The following ADGRB3 variants were observed in gnomAD, a reference collection of about 807,000 sequenced individuals.
The protein encoded by ADGRB3 is adhesion G protein-coupled receptor B3.
In ADGRB3, 37 loss-of-function variants were observed where a neutral mutation model predicts 193.4. The ratio of observed to expected loss-of-function variants is 0.19; its 90% CI spans 0.15 to 0.25. The LOEUF is 0.25. Ranked by LOEUF, ADGRB3 falls within the 10% of genes least tolerant of loss-of-function variation. ADGRB3 has a pLI of 1.00. For missense variants in ADGRB3, 1,637 were observed against 1,852.9 expected, an observed-to-expected ratio of 0.88 and a Z score of 2.14; for synonymous variants, 690 against 644.2, an observed-to-expected ratio of 1.07 and a Z score of -1.08.
At chr6:68,886,941 C>A in intron 3 of ADGRB3, among the ~76,000 whole-genome samples, 1 of 151,182 alleles carries the variant, frequency 6.6e-6, no homozygotes, top group Non-Finnish European at 1.5e-5. Flanking sequence ...GTTCTAGTAA[C>A]CTTCTGGTTT....
chr6:69,181,388 TCAGA>T (rs1775579991), intron 17 of ADGRB3, among the ~76,000 whole-genome samples: 2 of 152,116 alleles, frequency 1.3e-5, no homozygotes, highest in South Asian at 2.1e-4. Context: ...ATTATTCCAG[TCAGA>T]CAGGTTGAAT....
intron 17 of ADGRB3, among the ~76,000 whole-genome samples, chr6:69,200,317 C>T (rs952269785): frequency 4.6e-5 from 7 of 152,088 alleles, no homozygotes; most frequent in Admixed American, 3.3e-4. Flanking sequence ...ATATTCTTGA[C>T]ATTAGTTTGG....
intron 17 of ADGRB3, among the ~76,000 whole-genome samples, chr6:69,118,986 A>G (rs1313987760): frequency 2.0e-5 from 3 of 152,172 alleles, no homozygotes; most frequent in African/African-American, 7.2e-5. Context: ...AATTTTCTTC[A>G]TATTTTATTT....
chr6:68,829,556 G>A (rs184581405), intron 3 of ADGRB3, among the ~76,000 whole-genome samples: 476 of 152,138 alleles, frequency 3.1e-3, no homozygotes, highest in African/African-American at 0.011. Context: ...GTGGCATGAA[G>A]GGTTACATAA....
At chr6:68,898,742 T>C (rs1425160402) in intron 3 of ADGRB3, among the ~76,000 whole-genome samples, 3 of 152,180 alleles carry the variant, frequency 2.0e-5, no homozygotes, top group Admixed American at 6.5e-5. Context: ...GGATAATTCA[T>C]GTTCATTACA....
At chr6:68,767,572 G>A (rs766739607) in intron 3 of ADGRB3, among the ~76,000 whole-genome samples, 9 of 151,916 alleles carry the variant, frequency 5.9e-5, no homozygotes, top group Non-Finnish European at 1.2e-4. Context: ...TGACACACCC[G>A]TAGCCAATAT....
chr6:68,929,057 A>G (rs1221119861), intron 3 of ADGRB3, among the ~76,000 whole-genome samples: 4 of 152,160 alleles, frequency 2.6e-5, no homozygotes, highest in African/African-American at 9.7e-5. Flanking sequence ...TTTAGACACC[A>G]CATACAGCAC....
At chr6:68,807,109 A>G (rs1282872570) in intron 3 of ADGRB3, among the ~76,000 whole-genome samples, 2 of 152,194 alleles carry the variant, frequency 1.3e-5, no homozygotes, top group African/African-American at 4.8e-5. Context: ...ACCGGTTACA[A>G]AATATCTTAT....
chr6:69,284,506 A>G (rs1477154963), intron 20 of ADGRB3, among the ~76,000 whole-genome samples: 1 of 152,116 alleles, frequency 6.6e-6, no homozygotes, highest in Non-Finnish European at 1.5e-5. Flanking sequence ...AGCTTGGCCA[A>G]GCACTCAACA....
At chr6:69,225,551 C>T (rs1433349147) in intron 17 of ADGRB3, among the ~76,000 whole-genome samples, 2 of 152,096 alleles carry the variant, frequency 1.3e-5, no homozygotes, top group African/African-American at 2.4e-5. Context: ...GGTAGATGTC[C>T]TTAGGAAAGT....
At chr6:69,195,327 C>T (rs976762755) in intron 17 of ADGRB3, among the ~76,000 whole-genome samples, 2 of 151,764 alleles carry the variant, frequency 1.3e-5, no homozygotes, top group Admixed American at 6.6e-5. Flanking sequence ...CCCAGTAATT[C>T]GAGACCAGGC....
intron 17 of ADGRB3, among the ~76,000 whole-genome samples, chr6:69,218,947 T>C (rs961139501): frequency 6.6e-6 from 1 of 152,138 alleles, no homozygotes; most frequent in Non-Finnish European, 1.5e-5. Flanking sequence ...GCCACTTTAG[T>C]AATATAAAAC....
At chr6:68,701,303 C>T (rs1290240483) in intron 3 of ADGRB3, among the ~76,000 whole-genome samples, 1 of 152,152 alleles carries the variant, frequency 6.6e-6, no homozygotes, top group Non-Finnish European at 1.5e-5. Flanking sequence ...AACATAGCCT[C>T]AGATTATTGT....
intron 15 of ADGRB3, among the ~76,000 whole-genome samples, chr6:69,060,192 C>CTCTTTCTCTG (rs1330428190): frequency 6.3e-3 from 914 of 144,010 alleles, no homozygotes; most frequent in Non-Finnish European, 8.4e-3. Context: ...TTCTTTCTCT[C>CTCTTTCTCTG]TCTCTCTTTC....
At position 69,271,091 on chromosome 6, in the gene ADGRB3, G is replaced by T. The variant is rs189267929; in HGVS notation, c.2814+31865G>T. Among the ~76,000 whole-genome samples the T allele has an allele frequency of 4.6e-5, 7 of 152,178 alleles. No homozygotes were observed. The East Asian group carries it at 1.4e-3, about 29-fold the overall frequency. The stretch of plus-strand genomic sequence containing the variant: ...ATTAGTGGAAAAACTCTCCAGAATT[G>T]TTCTGTTAAAAATAAGAAAAGCAGT... On this transcript the variant is annotated intron_variant, in intron 20 of 31. Coordinates refer to ENST00000370598, the MANE Select transcript of ADGRB3 (RefSeq NM_001704.3).
At chr6:68,979,929 T>C (rs897414900) in intron 10 of ADGRB3, among the ~76,000 whole-genome samples, 2 of 151,404 alleles carry the variant, frequency 1.3e-5, no homozygotes, top group Admixed American at 6.6e-5. Flanking sequence ...AAGCTGTGTG[T>C]AATTGGCAGA....
chr6:69,124,078 T>C (rs1012638086), intron 17 of ADGRB3, among the ~76,000 whole-genome samples: 5 of 135,962 alleles, frequency 3.7e-5, no homozygotes, highest in African/African-American at 5.2e-5. Flanking sequence ...CCATGCAACA[T>C]TGCATGACTC....
intron 8 of ADGRB3, among the ~76,000 whole-genome samples, chr6:68,969,590 T>C (rs1036005288): frequency 3.3e-5 from 5 of 152,158 alleles, no homozygotes; most frequent in African/African-American, 1.2e-4. Flanking sequence ...ATTACTCTTT[T>C]GATGTGGCAT....
intron 3 of ADGRB3, among the ~76,000 whole-genome samples, chr6:68,723,473 TAA>T (rs1005177101): frequency 2.6e-5 from 4 of 151,758 alleles, no homozygotes; most frequent in African/African-American, 9.7e-5. Flanking sequence ...CCACTTGCAC[TAA>T]GAGTCTATAA....
Sources: gnomAD v4.1 joint callset for allele counts (sites outside exome capture counted in the v4.1 genomes callset) on GRCh38, gnomAD v4.1.1 for gene constraint, MANE v1.5 for transcripts, NCBI Gene and HGNC (gene_info 2026-07-23, HGNC 2026-07-21) for gene names.